FNTB: variants seen among roughly 807,000 people sequenced by gnomAD.
The protein encoded by FNTB is protein farnesyltransferase subunit beta.
A neutral mutation model predicts 59.4 loss-of-function variants in FNTB; 27 were observed. That is an observed-to-expected ratio of 0.45 (90% CI 0.34 to 0.63). The LOEUF is 0.63. Ranked by LOEUF, FNTB falls within the 20% of genes least tolerant of loss-of-function variation. The probability of loss-of-function intolerance (pLI) is 0.02; values close to 1 mark genes in which losing one functional copy is unlikely to be tolerated. For missense variants in FNTB, 449 were observed against 559.6 expected (o/e 0.80, Z 1.99); for synonymous variants, 230 against 220.7 (o/e 1.04, Z -0.37).
At chr14:65,018,582 G>C (rs998611355) in intron 4 of FNTB, among the ~76,000 whole-genome samples, 1 of 152,028 alleles carries the variant, frequency 6.6e-6, no homozygotes, top group Non-Finnish European at 1.5e-5. Flanking sequence ...GGCCAAGGTC[G>C]GCAGATCACC....
Position 65,004,296 on chromosome 14 carries a change from C to A in FNTB, c.192C>A (p.Phe64Leu). Residue 64 changes from phenylalanine (F) to leucine (L), a missense_variant, in exon 2 of 12, where the codon TTC becomes TTA. Transcript: ENST00000246166. ...AAGAGGTCTTCAGTTCTTACAAGTT[C>A]AACCACCTTGTACCAAGGTAAGCTG... ...KIQEVFSSYK[F>L]NHLVPRLVLQ... 3 of 1,613,178 alleles carry A rather than the reference C, an allele frequency of 1.9e-6. No individual in the cohort carries two copies. The South Asian group carries it at 3.3e-5, about 18-fold the overall frequency.
At chr14:65,057,549 C>A (rs2062765091) in intron 11 of FNTB, among the ~76,000 whole-genome samples, 2 of 152,124 alleles carry the variant, frequency 1.3e-5, no homozygotes, top group Admixed American at 6.5e-5. Context: ...GAATCTCTAC[C>A]ATTTTTTGAG....
chr14:65,058,666 T>C (rs2062795878), intron 11 of FNTB, among the ~76,000 whole-genome samples: 1 of 152,242 alleles, frequency 6.6e-6, no homozygotes, highest in Admixed American at 6.5e-5. Flanking sequence ...TTTTTGTTAG[T>C]TTCAGTCATA....
intron 1 of FNTB, among the ~76,000 whole-genome samples, chr14:64,998,367 G>A (rs781489098): frequency 2.6e-5 from 4 of 152,192 alleles, no homozygotes; most frequent in Non-Finnish European, 5.9e-5. Flanking sequence ...ATTCAAGGAG[G>A]TAAAGGAAGA....
rs1466875771 is a variant in FNTB, at chr14:65,028,216, T to G, written c.605+435T>G. Among the ~76,000 whole-genome samples, 1 of 152,136 alleles carries G rather than the reference T, an allele frequency of 6.6e-6. No individual in the cohort carries two copies. Among genetic ancestry groups the G allele is most frequent in the African/African-American group, 2.4e-5 (1 of 41,426 alleles). Reference sequence around the variant, plus strand: ...ATCCCTGAGGTCCTCCTGAGGCACATGAGAGTTTTTCTGGGAGGTGCAGAG... The same window carrying G: ...ATCCCTGAGGTCCTCCTGAGGCACAGGAGAGTTTTTCTGGGAGGTGCAGAG... On this transcript the variant is annotated intron_variant, in intron 6 of 11. Coordinates refer to ENST00000246166, the MANE Select transcript of FNTB (RefSeq NM_002028.4). This position sits in a 1 kb window ranked among gnomAD's most constrained non-coding sequence, Gnocchi z 4.4.
chr14:65,053,632 A>AAAACAAAAAAAAAAAC (rs1185051490), intron 10 of FNTB, among the ~76,000 whole-genome samples: 1 of 152,012 alleles, frequency 6.6e-6, no homozygotes, highest in African/African-American at 2.4e-5. Context: ...TTTTTAAAAA[A>AAAACAAAAAAAAAAAC]AACAAAAAAA....
chr14:65,014,347 TAGTC>T lies in FNTB; in HGVS notation c.283-1273_283-1270del, dbSNP rs1252172241. 1.3e-5 allele frequency among the ~76,000 whole-genome samples: 2 copies of T among 152,182 alleles called. No homozygotes were observed. The highest frequency in any genetic ancestry group is 6.5e-5 in the Admixed American group (1 of 15,278). ...CCTTTCCTAGCTCCCCAGGCAGAATTAGTCAGTCTCTTCCACGTGCTCCCTCAAA... is the reference window on the plus strand; with the variant it reads ...CCTTTCCTAGCTCCCCAGGCAGAATTAGTCTCTTCCACGTGCTCCCTCAAA... On this transcript the variant is annotated intron_variant, in intron 3 of 11. Coordinates refer to ENST00000246166, the MANE Select transcript of FNTB (RefSeq NM_002028.4). This position sits in a 1 kb window ranked among gnomAD's most constrained non-coding sequence, Gnocchi z 5.1.
intron 2 of FNTB, chr14:65,006,413 A>G (rs1397802886): frequency 7.1e-7 from 1 of 1,401,236 alleles, no homozygotes; most frequent in Non-Finnish European, 9.6e-7. Flanking sequence ...GTCATGAGAT[A>G]CAGCTAGAGA....
At chr14:65,053,466 C>A in intron 10 of FNTB, 117 bp downstream of exon 10, 1 of 879,854 alleles carries the variant, frequency 1.1e-6, no homozygotes, top group Non-Finnish European at 1.5e-6. Context: ...TCAGCACCTG[C>A]ATAGCGCTAG....
In FNTB at chr14:64,997,116, C is replaced by T. The variant is rs989906605; in HGVS notation, c.145-7133C>T. Among the ~76,000 whole-genome samples the T allele has an allele frequency of 6.6e-6, 1 of 152,008 alleles. No homozygotes were observed. Among genetic ancestry groups the T allele is most frequent in the African/African-American group, 2.4e-5 (1 of 41,356 alleles). ...TCGTAATTTTGGAAAGACAATCTCC[C>T]TTTAGAATTGTGAGAGGGTCCTGAA... On this transcript the variant is annotated intron_variant, in intron 1 of 11. Transcript: ENST00000246166. This position sits in a 1 kb window ranked among gnomAD's most constrained non-coding sequence, Gnocchi z 4.5.
At chr14:65,015,809 G>GA (rs1376822000) in intron 4 of FNTB, 93 bp downstream of exon 4, 21 of 1,398,144 alleles carry the variant, frequency 1.5e-5, no homozygotes, top group East Asian at 2.3e-5. Context: ...GTTTGGAATG[G>GA]AAAAAAACAG....
rs970424227 is a variant in FNTB, at chr14:65,031,960, G to A, written c.606-650G>A. Among the ~76,000 whole-genome samples, 11 of 149,694 alleles carry A rather than the reference G, an allele frequency of 7.3e-5. No homozygotes were observed. Among genetic ancestry groups the A allele is most frequent in the Admixed American group, 2.7e-4 (4 of 14,960 alleles). The stretch of plus-strand genomic sequence containing the variant: ...CAAAAGCAAAACAAAAAATATAGAC[G>A]TGCGCCTTTTTCATTTAACGTGTGT... On this transcript the variant is annotated intron_variant, in intron 6 of 11. Transcript: ENST00000246166. This position sits in a 1 kb window ranked among gnomAD's most constrained non-coding sequence, Gnocchi z 4.6.
chr14:65,004,852 A>C (rs1298323524), intron 2 of FNTB, among the ~76,000 whole-genome samples: 1 of 151,998 alleles, frequency 6.6e-6, no homozygotes, highest in Non-Finnish European at 1.5e-5. Flanking sequence ...TAGTAGAGAC[A>C]GGGTTTCACC....
intron 1 of FNTB, among the ~76,000 whole-genome samples, chr14:64,993,975 G>GC (rs1265821377): frequency 6.6e-6 from 1 of 151,762 alleles, no homozygotes; most frequent in African/African-American, 2.4e-5. Flanking sequence ...CCTGCCTCAG[G>GC]CTCCCAAGTA....
intron 9 of FNTB, among the ~76,000 whole-genome samples, chr14:65,045,085 C>T (rs767012698): frequency 2.0e-4 from 30 of 152,238 alleles, no homozygotes; most frequent in Non-Finnish European, 2.9e-4. Flanking sequence ...CAAATGGGAA[C>T]GCAAAACCGA....
At chr14:65,048,157 A>G (rs929870600) in intron 9 of FNTB, among the ~76,000 whole-genome samples, 1 of 151,536 alleles carries the variant, frequency 6.6e-6, no homozygotes, top group Non-Finnish European at 1.5e-5. Context: ...AATGTTTTCT[A>G]TTTTTAGTAG....
At chr14:65,057,974 G>A (rs192317371) in intron 11 of FNTB, among the ~76,000 whole-genome samples, 3 of 152,162 alleles carry the variant, frequency 2.0e-5, no homozygotes, top group Non-Finnish European at 2.9e-5. Context: ...TGTCTGCCTT[G>A]TTGTTTTTCT....
Position 65,032,709 on chromosome 14 carries a change from AG to A in FNTB, c.692+16del. The A allele has an allele frequency of 6.2e-7, 1 of 1,612,830 alleles. No individual in the cohort carries two copies. Among genetic ancestry groups the A allele is most frequent in the Non-Finnish European group, 8.5e-7 (1 of 1,179,712 alleles). On this transcript the variant is annotated intron_variant, in intron 7 of 11. Coordinates refer to ENST00000246166, the MANE Select transcript of FNTB (RefSeq NM_002028.4). This position sits in a 1 kb window ranked among gnomAD's most constrained non-coding sequence, Gnocchi z 5.0. ...AATGGATAGCAAGGTGAGAGAAGCC[AG>A]GGTTTCTCCTGGCCTCTTGGAGAGC...
chr14:65,037,556 G>A (rs2062230478), intron 7 of FNTB, among the ~76,000 whole-genome samples: 1 of 147,252 alleles, frequency 6.8e-6, no homozygotes, highest in Admixed American at 6.8e-5. Flanking sequence ...TCAGCCTCCT[G>A]AGTAGCTGTG....
Sources: gnomAD v4.1 joint callset for allele counts (sites outside exome capture counted in the v4.1 genomes callset) on GRCh38, gnomAD v4.1.1 for gene constraint, Gnocchi (gnomAD v3.1) non-coding constraint, MANE v1.5 for transcripts, NCBI Gene and HGNC (gene_info 2026-07-23, HGNC 2026-07-21) for gene names.